HNRNPUL1: variants seen among roughly 807,000 people sequenced by gnomAD.
HNRNPUL1 encodes heterogeneous nuclear ribonucleoprotein U like 1.
A neutral mutation model predicts 108.5 loss-of-function variants in HNRNPUL1; 14 were observed. The observed-to-expected ratio is 0.13, with a 90% confidence interval of 0.09 to 0.20. The LOEUF (loss-of-function observed/expected upper bound fraction) is 0.20. Among genes scored for constraint, HNRNPUL1 ranks in the 10% least tolerant of loss-of-function variants. The pLI is 1.00. For synonymous variants in HNRNPUL1, 422 were observed against 445.2 expected, an observed-to-expected ratio of 0.95 and a Z score of 0.66; for missense variants, 804 against 1,168.3, an observed-to-expected ratio of 0.69 and a Z score of 4.55.
chr19:41,267,054 T>C (rs959490184), intron 1 of HNRNPUL1, among the ~76,000 whole-genome samples: 3 of 152,230 alleles, frequency 2.0e-5, no homozygotes, highest in African/African-American at 7.2e-5. Flanking sequence ...GACTCTAGAC[T>C]AAGACAGACT....
At chr19:41,264,990 A>AG in intron 1 of HNRNPUL1, 192 bp downstream of exon 1, 3 of 1,191,190 alleles carry the variant, frequency 2.5e-6, no homozygotes, top group South Asian at 1.7e-5. Flanking sequence ...CACTCAGTGC[A>AG]GGGGGGACAC....
chr19:41,269,501 A>C (rs1459957161), intron 2 of HNRNPUL1, among the ~76,000 whole-genome samples: 2 of 151,558 alleles, frequency 1.3e-5, no homozygotes, highest in Admixed American at 6.6e-5. Flanking sequence ...AAAAAAAAAA[A>C]AACCTAAAAT....
At chr19:41,267,427 A>G (rs765061883) in intron 1 of HNRNPUL1, among the ~76,000 whole-genome samples, 1 of 152,142 alleles carries the variant, frequency 6.6e-6, no homozygotes, top group Non-Finnish European at 1.5e-5. Context: ...AATTAAGGAG[A>G]TAATGCTATT....
intron 7 of HNRNPUL1, among the ~76,000 whole-genome samples, chr19:41,281,831 G>C (rs1221855350): frequency 1.3e-5 from 2 of 152,210 alleles, no homozygotes; most frequent in Non-Finnish European, 2.9e-5. Flanking sequence ...ATGGCTGTCA[G>C]CTCTGGGCTG....
chr19:41,275,421 G>C (rs2035490254), intron 4 of HNRNPUL1, among the ~76,000 whole-genome samples: 1 of 152,074 alleles, frequency 6.6e-6, no homozygotes, highest in African/African-American at 2.4e-5. Context: ...CAGGAGAACA[G>C]AAGTTGCAGT....
intron 2 of HNRNPUL1, among the ~76,000 whole-genome samples, chr19:41,269,418 T>G (rs2035069384): frequency 6.9e-6 from 1 of 144,138 alleles, no homozygotes; most frequent in Non-Finnish European, 1.5e-5. Flanking sequence ...AGTTTGAGGC[T>G]GCTGTGAGCT....
At chr19:41,291,672 C>A in intron 7 of HNRNPUL1, among the ~76,000 whole-genome samples, 1 of 152,192 alleles carries the variant, frequency 6.6e-6, no homozygotes, top group Non-Finnish European at 1.5e-5. Flanking sequence ...GACTCAAATA[C>A]TTGGAGCTTC....
intron 7 of HNRNPUL1, among the ~76,000 whole-genome samples, chr19:41,289,289 T>G (rs571533593): frequency 9.2e-5 from 14 of 152,258 alleles, no homozygotes; most frequent in African/African-American, 3.1e-4. Context: ...AAATCATTGG[T>G]CTCCTGGAAC....
In HNRNPUL1 at chr19:41,306,466, C is replaced by T; in HGVS notation, c.2472C>T (p.Asn824=). The change falls in exon 15 of 15, where the codon AAC becomes AAT. Residue 824 remains asparagine (N), a synonymous_variant. Coordinates refer to ENST00000392006, the MANE Select transcript of HNRNPUL1 (RefSeq NM_007040.6). ...TTCCCCAGTATGCCCAGCAGTGGAA[C>T]CAGTACTATCAGAACCAGGGCCAGT... is the stretch of plus-strand genomic sequence containing the variant. ...NQYQQYAQQW[N]QYYQNQGQWP... is the part of the protein sequence containing the mutation. The T allele has an allele frequency of 6.3e-7, 1 of 1,593,074 alleles. No homozygotes were observed. The highest frequency in any genetic ancestry group is 8.5e-7 in the Non-Finnish European group (1 of 1,171,754).
chr19:41,276,137 C>T (rs766076652), intron 4 of HNRNPUL1, 22 bp from the exon 5 acceptor site: 1 of 1,613,676 alleles, frequency 6.2e-7, no homozygotes, highest in Non-Finnish European at 8.5e-7. Flanking sequence ...CATCAGCCAA[C>T]TGTGGGCATT....
chr19:41,290,356 CCT>C (rs1440474620), intron 7 of HNRNPUL1, among the ~76,000 whole-genome samples: 1 of 152,186 alleles, frequency 6.6e-6, no homozygotes, highest in Non-Finnish European at 1.5e-5. Context: ...AAAAAAAGAG[CCT>C]CTCGTATCCT....
At position 41,292,205 on chromosome 19, in the gene HNRNPUL1, C is replaced by A; in HGVS notation, c.1000-40C>A. The A allele has an allele frequency of 1.9e-6, 3 of 1,604,222 alleles. No homozygotes were observed. The highest frequency in any genetic ancestry group is 2.6e-6 in the Non-Finnish European group (3 of 1,172,628). On this transcript the variant is annotated intron_variant, in intron 7 of 14. Transcript: ENST00000392006. This position sits in a 1 kb window ranked among gnomAD's most constrained non-coding sequence, Gnocchi z 4.1. ...CACATTTGACTCCCAGTGCCTATGG[C>A]AAGAGTTGGCAATCATATTCCTTTG...
At chr19:41,299,109 G>A (rs1203981629) in intron 10 of HNRNPUL1, among the ~76,000 whole-genome samples, 5 of 152,118 alleles carry the variant, frequency 3.3e-5, no homozygotes, top group African/African-American at 4.8e-5. Context: ...GTGGGGAGAG[G>A]GGACTTAACT....
intron 1 of HNRNPUL1, among the ~76,000 whole-genome samples, chr19:41,265,778 T>C (rs1367099975): frequency 6.6e-6 from 1 of 150,936 alleles, no homozygotes; most frequent in Non-Finnish European, 1.5e-5. Flanking sequence ...ACATTCCAAG[T>C]GGATGAAATA....
chr19:41,268,598 C>T (rs976620322), intron 2 of HNRNPUL1, among the ~76,000 whole-genome samples: 5 of 152,126 alleles, frequency 3.3e-5, no homozygotes, highest in African/African-American at 1.2e-4. Flanking sequence ...GTGGCTCCCT[C>T]CTGTAATCCC....
At chr19:41,282,884 C>T (rs1253972448) in intron 7 of HNRNPUL1, among the ~76,000 whole-genome samples, 1 of 150,996 alleles carries the variant, frequency 6.6e-6, no homozygotes, top group Admixed American at 6.6e-5. Flanking sequence ...TTAGTAGAGA[C>T]GGGGTTTCAC....
At position 41,272,207 on chromosome 19, in the gene HNRNPUL1, G is replaced by A. The variant is rs776633686; in HGVS notation, c.544G>A (p.Gly182Arg). The part of the protein sequence containing the change: ...KRPYEENRGR[G>R]YFEHREDRRG... Reference sequence around the variant, plus strand: ...GCCTTATGAAGAAAACCGGGGACGGGGGTACTTTGAGCACCGAGAGGATAG... The same window carrying A: ...GCCTTATGAAGAAAACCGGGGACGGAGGTACTTTGAGCACCGAGAGGATAG... Residue 182 changes from glycine to arginine, a missense_variant, in exon 3 of 15, where the codon GGG (glycine) becomes AGG (arginine). By Grantham distance (125) the Gly-to-Arg change is moderately radical. This residue lies in a region of HNRNPUL1 where 256 missense variants were observed against 261.6 expected (regional missense o/e 0.98). Coordinates refer to ENST00000392006, the MANE Select transcript of HNRNPUL1 (RefSeq NM_007040.6). 4.3e-6 allele frequency: 7 copies of A among 1,613,718 alleles called. No individual in the cohort carries two copies. In the South Asian group the frequency reaches 7.7e-5, roughly 18 times the overall value.
In HNRNPUL1 at chr19:41,275,679, C is replaced by T. The variant is rs372519294; in HGVS notation, c.647-480C>T. Among the ~76,000 whole-genome samples, 18 of 152,302 alleles carry T rather than the reference C, an allele frequency of 1.2e-4. No homozygotes were observed. In the East Asian group the frequency reaches 1.7e-3, roughly 15 times the overall value. ...CAATTTGCAATACTGCACATCCTCC[C>T]TACTCAAAGGGAGAGAGGTTGAGGG... On this transcript the variant is annotated intron_variant, in intron 4 of 14. Transcript: ENST00000392006.
At chr19:41,265,063 G>A (rs753492517) in intron 1 of HNRNPUL1, 90 of 1,412,670 alleles carry the variant, frequency 6.4e-5, no homozygotes, top group Non-Finnish European at 7.9e-5. Context: ...ATTCCGTACC[G>A]TAGGGATCGG....
Sources: allele counts gnomAD v4.1 joint callset (sites outside exome capture counted in the v4.1 genomes callset), GRCh38; gene constraint gnomAD v4.1.1; regional missense constraint gnomAD v4.1.1; non-coding constraint Gnocchi (gnomAD v3.1); transcripts MANE v1.5; gene names NCBI Gene and HGNC (gene_info 2026-07-23, HGNC 2026-07-21).